DSCAM: variants seen among roughly 807,000 people sequenced by gnomAD.
DSCAM encodes cell adhesion molecule DSCAM.
A neutral mutation model predicts 217.7 loss-of-function variants in DSCAM; 47 were observed. The observed-to-expected ratio is 0.22, with a 90% CI of 0.17 to 0.28. The LOEUF is 0.28. Among genes scored for constraint, DSCAM ranks in the 10% least tolerant of loss-of-function variants. DSCAM has a pLI of 1.00. For synonymous variants in DSCAM, 1,056 were observed against 1,015.3 expected, an observed-to-expected ratio of 1.04 and a Z score of -0.76; for missense variants, 2,080 against 2,618.3, an observed-to-expected ratio of 0.79 and a Z score of 4.49.
intron 3 of DSCAM, among the ~76,000 whole-genome samples, chr21:40,397,650 C>A (rs1049965780): frequency 2.6e-5 from 4 of 152,178 alleles, no homozygotes; most frequent in African/African-American, 9.6e-5. Context: ...GCAGTAGGAC[C>A]TAGACTGAAC....
chr21:40,043,289 G>T (rs977725635), intron 31 of DSCAM, among the ~76,000 whole-genome samples: 9 of 152,218 alleles, frequency 5.9e-5, no homozygotes, highest in Non-Finnish European at 1.3e-4. Context: ...TGGTCAGGGA[G>T]ATGTCTGCGT....
intron 3 of DSCAM, among the ~76,000 whole-genome samples, chr21:40,382,109 C>G (rs1320508241): frequency 1.3e-5 from 2 of 152,210 alleles, no homozygotes; most frequent in Admixed American, 6.5e-5. Flanking sequence ...CGTTTCAAAG[C>G]AAGGCTAATC....
chr21:40,471,862 T>C (rs1411552225), intron 3 of DSCAM, among the ~76,000 whole-genome samples: 1 of 152,214 alleles, frequency 6.6e-6, no homozygotes, highest in African/African-American at 2.4e-5. Context: ...GTTACATATG[T>C]ATACATGTGC....
chr21:40,471,832 T>C (rs1370582001), intron 3 of DSCAM, among the ~76,000 whole-genome samples: 2 of 152,214 alleles, frequency 1.3e-5, no homozygotes, highest in African/African-American at 4.8e-5. Flanking sequence ...CTAGGGTACA[T>C]GTGCACAATG....
chr21:40,637,512 TATAA>T (rs1370591775), intron 3 of DSCAM, among the ~76,000 whole-genome samples: 2 of 46,614 alleles, frequency 4.3e-5, no homozygotes, highest in Non-Finnish European at 7.6e-5. Flanking sequence ...TATATAAATA[TATAA>T]ATATATATAA....
chr21:40,219,809 C>A (rs1268295127), intron 11 of DSCAM, among the ~76,000 whole-genome samples: 1 of 152,146 alleles, frequency 6.6e-6, no homozygotes, highest in Non-Finnish European at 1.5e-5. Context: ...TTTTGAGTAG[C>A]ATTCTACTTC....
intron 3 of DSCAM, among the ~76,000 whole-genome samples, chr21:40,519,916 C>T (rs952971135): frequency 6.6e-6 from 1 of 151,884 alleles, no homozygotes; most frequent in African/African-American, 2.4e-5. Flanking sequence ...ATTATTGGTT[C>T]TAGGTAACTT....
At chr21:40,769,989 C>T (rs1009156590) in intron 1 of DSCAM, among the ~76,000 whole-genome samples, 8 of 152,190 alleles carry the variant, frequency 5.3e-5, no homozygotes, top group African/African-American at 1.7e-4. Context: ...CAATCTCTCT[C>T]GCCCACTTCA....
intron 3 of DSCAM, among the ~76,000 whole-genome samples, chr21:40,572,044 C>G (rs2076810444): frequency 6.6e-6 from 1 of 151,708 alleles, no homozygotes; most frequent in African/African-American, 2.4e-5. Context: ...TTTCTGGTAC[C>G]AAGCACTTGG....
At chr21:40,019,658 G>T (rs1008961519) in intron 32 of DSCAM, among the ~76,000 whole-genome samples, 1 of 152,140 alleles carries the variant, frequency 6.6e-6, no homozygotes, top group Non-Finnish European at 1.5e-5. Flanking sequence ...GATCCTTTGT[G>T]CTTTGAACTC....
intron 1 of DSCAM, among the ~76,000 whole-genome samples, chr21:40,752,849 G>C (rs1286118419): frequency 6.6e-6 from 1 of 152,206 alleles, no homozygotes; most frequent in Non-Finnish European, 1.5e-5. Flanking sequence ...AGGAGGAAAG[G>C]CAAGTGTTTT....
At chr21:40,579,259 T>A (rs1292843406) in intron 3 of DSCAM, among the ~76,000 whole-genome samples, 1 of 137,904 alleles carries the variant, frequency 7.3e-6, no homozygotes, top group Non-Finnish European at 1.6e-5. Context: ...TTAATTTGGA[T>A]TCTGAAAGCA....
At chr21:40,405,560 G>C (rs1478520621) in intron 3 of DSCAM, among the ~76,000 whole-genome samples, 2 of 152,116 alleles carry the variant, frequency 1.3e-5, no homozygotes, top group African/African-American at 2.4e-5. Flanking sequence ...ACAGCATGAA[G>C]AGACAACCTA....
chr21:40,562,354 C>A (rs1346264746), intron 3 of DSCAM, among the ~76,000 whole-genome samples: 1 of 152,190 alleles, frequency 6.6e-6, no homozygotes, highest in Non-Finnish European at 1.5e-5. Context: ...GCCTGCCTCC[C>A]CTTCCGCCAT....
At chr21:40,503,398 G>A (rs1479945310) in intron 3 of DSCAM, among the ~76,000 whole-genome samples, 1 of 152,186 alleles carries the variant, frequency 6.6e-6, no homozygotes, top group East Asian at 1.9e-4. Context: ...GACTAGAAAT[G>A]TTATCTTTGA....
chr21:40,647,960 GGGGA>G (rs1435895024), intron 3 of DSCAM, among the ~76,000 whole-genome samples: 1 of 152,148 alleles, frequency 6.6e-6, no homozygotes, highest in Non-Finnish European at 1.5e-5. Flanking sequence ...TGCTGCATAG[GGGGA>G]GGGAGAGATA....
At chr21:40,018,013 A>AT (rs1281580495) in intron 32 of DSCAM, among the ~76,000 whole-genome samples, 1 of 115,814 alleles carries the variant, frequency 8.6e-6, no homozygotes, top group Non-Finnish European at 1.8e-5. Context: ...TGCCATATAG[A>AT]ATAGCTTTGT....
intron 20 of DSCAM, among the ~76,000 whole-genome samples, chr21:40,112,368 T>C (rs1224609051): frequency 6.6e-6 from 1 of 151,874 alleles, no homozygotes; most frequent in Non-Finnish European, 1.5e-5. Flanking sequence ...TTGAAACCAA[T>C]GAGAACAAAG....
intron 19 of DSCAM, among the ~76,000 whole-genome samples, chr21:40,132,433 T>C (rs1002350149): frequency 6.6e-6 from 1 of 152,242 alleles, no homozygotes; most frequent in Non-Finnish European, 1.5e-5. Flanking sequence ...GCTTTCTAGA[T>C]ATCTCTATTG....
Sources: gnomAD v4.1 joint callset for allele counts (sites outside exome capture counted in the v4.1 genomes callset) on GRCh38, gnomAD v4.1.1 for gene constraint, MANE v1.5 for transcripts, NCBI Gene and HGNC (gene_info 2026-07-23, HGNC 2026-07-21) for gene names.